Variants in CNTNAP5 observed in about 807,000 individuals in gnomAD.
CNTNAP5 encodes contactin associated protein family member 5, also known as contactin-associated protein-like 5.
CNTNAP5 carries 72 observed loss-of-function variants against 150.2 expected under a neutral mutation model. The ratio of observed to expected loss-of-function variants is 0.48; its 90% confidence interval spans 0.40 to 0.58. CNTNAP5 has a LOEUF of 0.58. CNTNAP5 is among the 20% of genes least tolerant of loss of function. The pLI is 0.00. For missense variants in CNTNAP5, 1,636 were observed against 1,626.2 expected (o/e 1.01, Z -0.10); for synonymous variants, 672 against 619.8 (o/e 1.08, Z -1.25).
At chr2:124,235,844 T>G (rs1686732037) in intron 2 of CNTNAP5, among the ~76,000 whole-genome samples, 1 of 152,204 alleles carries the variant, frequency 6.6e-6, no homozygotes, top group Non-Finnish European at 1.5e-5. Flanking sequence ...TGTTGTTTTC[T>G]GCAGACTGGT....
intron 3 of CNTNAP5, among the ~76,000 whole-genome samples, chr2:124,254,274 C>T (rs1304922247): frequency 1.3e-5 from 2 of 152,040 alleles, no homozygotes; most frequent in Non-Finnish European, 2.9e-5. Context: ...GAAAATATTC[C>T]CTCAAATGTA....
chr2:124,316,406 A>G (rs1051484672), intron 3 of CNTNAP5, among the ~76,000 whole-genome samples: 52 of 152,168 alleles, frequency 3.4e-4, no homozygotes, highest in African/African-American at 1.2e-3. Flanking sequence ...AATATCTATA[A>G]TACATAAGTC....
At chr2:124,369,225 G>A (rs1690455641) in intron 3 of CNTNAP5, among the ~76,000 whole-genome samples, 1 of 152,088 alleles carries the variant, frequency 6.6e-6, no homozygotes, top group Non-Finnish European at 1.5e-5. Context: ...TAATTGCAGA[G>A]TCTTTGAATG....
chr2:124,035,896 T>G (rs1052065906), intron 1 of CNTNAP5, among the ~76,000 whole-genome samples: 1 of 140,474 alleles, frequency 7.1e-6, no homozygotes, highest in Non-Finnish European at 1.5e-5. Context: ...TTGCTGCATT[T>G]CCCAGGATGA....
intron 3 of CNTNAP5, among the ~76,000 whole-genome samples, chr2:124,373,768 G>A (rs1174340111): frequency 6.6e-6 from 1 of 152,028 alleles, no homozygotes; most frequent in Non-Finnish European, 1.5e-5. Flanking sequence ...AAAAATTTCT[G>A]TATGAAGTTA....
chr2:124,449,329 G>T (rs550052182), intron 6 of CNTNAP5, among the ~76,000 whole-genome samples: 1 of 152,022 alleles, frequency 6.6e-6, no homozygotes, highest in Non-Finnish European at 1.5e-5. Flanking sequence ...TCAAAGAAAA[G>T]AGATATTTTT....
chr2:124,240,710 G>C (rs1205845973), intron 2 of CNTNAP5, among the ~76,000 whole-genome samples: 1 of 151,936 alleles, frequency 6.6e-6, no homozygotes, highest in Non-Finnish European at 1.5e-5. Flanking sequence ...ATCTGCTAAG[G>C]GCTAGCTGCT....
chr2:124,851,390 A>G (rs1174882278), intron 19 of CNTNAP5, among the ~76,000 whole-genome samples: 1 of 152,214 alleles, frequency 6.6e-6, no homozygotes, highest in Non-Finnish European at 1.5e-5. Flanking sequence ...GTTTCCTTTT[A>G]GATACAAAAA....
intron 19 of CNTNAP5, among the ~76,000 whole-genome samples, chr2:124,855,792 G>A (rs116529467): frequency 0.043 from 6,536 of 152,116 alleles, 180 homozygotes; most frequent in South Asian, 0.096. Context: ...GGTGATTTCT[G>A]AAATTTTGCT....
chr2:124,778,012 A>G (rs974520330), intron 17 of CNTNAP5, among the ~76,000 whole-genome samples: 2 of 152,126 alleles, frequency 1.3e-5, no homozygotes, highest in African/African-American at 4.8e-5. Context: ...TTAGAAGAGC[A>G]TCATTTATGT....
chr2:124,855,167 CTTTTTTTTT>C (rs70999224), intron 19 of CNTNAP5, among the ~76,000 whole-genome samples: 165 of 71,478 alleles, frequency 2.3e-3, no homozygotes, highest in African/African-American at 6.5e-3. Context: ...TGGGCTTTTG[CTTTTTTTTT>C]TTTTTTTTTT....
At chr2:124,221,579 T>C in intron 1 of CNTNAP5, 126 bp from the exon 2 acceptor site, 1 of 639,432 alleles carries the variant, frequency 1.6e-6, no homozygotes, top group Non-Finnish European at 2.8e-6. Context: ...AAACCGGGAG[T>C]ACCTGACCTT....
At chr2:124,555,489 T>A (rs1695732146) in intron 10 of CNTNAP5, among the ~76,000 whole-genome samples, 1 of 152,246 alleles carries the variant, frequency 6.6e-6, no homozygotes. Context: ...GAATCCTCAA[T>A]GAATTTTCCA....
At chr2:124,568,518 A>G (rs1406735407) in intron 11 of CNTNAP5, among the ~76,000 whole-genome samples, 5 of 152,204 alleles carry the variant, frequency 3.3e-5, no homozygotes, top group Non-Finnish European at 5.9e-5. Context: ...AAGCACACTT[A>G]CTATTATAAC....
intron 6 of CNTNAP5, 137 bp from the exon 7 acceptor site, chr2:124,474,602 C>A: frequency 1.5e-6 from 1 of 657,570 alleles, no homozygotes; most frequent in Non-Finnish European, 2.5e-6. Context: ...AATGTGTAAT[C>A]AAGTAGCATC....
At chr2:124,345,821 C>T (rs1689724607) in intron 3 of CNTNAP5, among the ~76,000 whole-genome samples, 1 of 152,136 alleles carries the variant, frequency 6.6e-6, no homozygotes, top group African/African-American at 2.4e-5. Context: ...TCCCACCCTT[C>T]TTTCCCTCCC....
chr2:124,153,636 G>A (rs1684456271), intron 1 of CNTNAP5, among the ~76,000 whole-genome samples: 1 of 132,154 alleles, frequency 7.6e-6, no homozygotes, highest in African/African-American at 2.9e-5. Flanking sequence ...TTGAGACAGA[G>A]TCTTGATCTG....
intron 1 of CNTNAP5, among the ~76,000 whole-genome samples, chr2:124,046,479 T>A (rs183053830): frequency 9.3e-5 from 14 of 149,776 alleles, no homozygotes; most frequent in Admixed American, 2.7e-4. Flanking sequence ...ATCTAGAATT[T>A]GCAAGGCTCT....
rs1299943141 is a variant in CNTNAP5, at chr2:124,130,624, CTCCA to C, written c.83-91079_83-91076del. Among the ~76,000 whole-genome samples the C allele has an allele frequency of 5.6e-3, 852 of 152,200 alleles. 9 individuals are homozygous for C. The highest frequency in any genetic ancestry group is 0.019 in the African/African-American group (781 of 41,508). On this transcript the variant is annotated intron_variant, in intron 1 of 23. Coordinates refer to ENST00000682447, the MANE Select transcript of CNTNAP5 (RefSeq NM_001367498.1). ...TCTTTATAGGTGCAGTCCAGGGGTC[CTCCA>C]TGGAAGTTTCACTGGTGGCGACAGC...
Sources: gnomAD v4.1 joint callset for allele counts (sites outside exome capture counted in the v4.1 genomes callset) on GRCh38, gnomAD v4.1.1 for gene constraint, MANE v1.5 for transcripts, NCBI Gene and HGNC (gene_info 2026-07-23, HGNC 2026-07-21) for gene names.